SEMA3A: variants seen among roughly 807,000 people sequenced by gnomAD.
SEMA3A encodes semaphorin-3A.
Under a neutral mutation model 97.9 loss-of-function variants are expected in SEMA3A, and 29 were observed. The observed-to-expected ratio is 0.30, with a 90% CI of 0.22 to 0.40. SEMA3A has a LOEUF of 0.40. Among genes scored for constraint, SEMA3A ranks in the 10% least tolerant of loss-of-function variants. The pLI is 1.00. For synonymous variants in SEMA3A, 321 were observed against 323.7 expected (o/e 0.99, Z 0.09); for missense variants, 763 against 951.3 (o/e 0.80, Z 2.60).
At chr7:84,334,721 C>G (rs1471904259) in intron 2 of SEMA3A, among the ~76,000 whole-genome samples, 2 of 151,122 alleles carry the variant, frequency 1.3e-5, no homozygotes, top group Non-Finnish European at 2.9e-5. Context: ...CACTTGCCCC[C>G]CTGCTTCTTC....
intron 6 of SEMA3A, among the ~76,000 whole-genome samples, chr7:84,031,708 T>C (rs1791764250): frequency 6.6e-6 from 1 of 151,846 alleles, no homozygotes; most frequent in South Asian, 2.1e-4. Context: ...TGGTGGTGCA[T>C]GCCTGTAATC....
At chr7:84,349,948 C>T (rs970630995) in intron 2 of SEMA3A, among the ~76,000 whole-genome samples, 2 of 152,008 alleles carry the variant, frequency 1.3e-5, no homozygotes, top group African/African-American at 4.8e-5. Context: ...AATCTATCTG[C>T]CTTCTTGATG....
intron 4 of SEMA3A, among the ~76,000 whole-genome samples, chr7:84,064,802 C>G (rs1793410134): frequency 6.6e-6 from 1 of 151,132 alleles, no homozygotes; most frequent in African/African-American, 2.4e-5. Context: ...GAGACTTAGA[C>G]TCCCACACAT....
At chr7:84,208,463 G>A (rs536456611) in intron 3 of SEMA3A, among the ~76,000 whole-genome samples, 14 of 151,998 alleles carry the variant, frequency 9.2e-5, no homozygotes, top group East Asian at 1.9e-4. Context: ...AAAAAAGAAC[G>A]GAAAGACAAA....
intron 1 of SEMA3A, among the ~76,000 whole-genome samples, chr7:84,143,950 A>AACACACACACACACAC (rs796470836): frequency 6.0e-4 from 57 of 94,682 alleles, no homozygotes; most frequent in African/African-American, 2.0e-3. Flanking sequence ...CTCTCTCTCT[A>AACACACACACACACAC]ACACACACAC....
At chr7:84,082,485 A>G (rs1167462734) in intron 4 of SEMA3A, among the ~76,000 whole-genome samples, 2 of 152,184 alleles carry the variant, frequency 1.3e-5, no homozygotes, top group African/African-American at 4.8e-5. Flanking sequence ...TATTATAATC[A>G]TAACTCCAGA....
At chr7:84,475,407 C>A (rs2116419989) in intron 1 of SEMA3A, among the ~76,000 whole-genome samples, 1 of 152,174 alleles carries the variant, frequency 6.6e-6, no homozygotes, top group South Asian at 2.1e-4. Flanking sequence ...TTAAAAAATT[C>A]ATAGGAAACA....
intron 4 of SEMA3A, among the ~76,000 whole-genome samples, chr7:84,108,075 G>C (rs1262109859): frequency 6.6e-6 from 1 of 152,066 alleles, no homozygotes; most frequent in Non-Finnish European, 1.5e-5. Flanking sequence ...GTATAGACTT[G>C]CATTTTAAAA....
chr7:84,424,735 A>G (rs1397035228), intron 1 of SEMA3A, among the ~76,000 whole-genome samples: 1 of 100,748 alleles, frequency 9.9e-6, no homozygotes, highest in East Asian at 3.3e-4. Flanking sequence ...TATATATTAT[A>G]TATTTAGATA....
intron 1 of SEMA3A, among the ~76,000 whole-genome samples, chr7:84,179,234 C>T (rs2116229930): frequency 6.6e-6 from 1 of 152,206 alleles, no homozygotes; most frequent in East Asian, 1.9e-4. Flanking sequence ...ATTAGAAGAA[C>T]GATCAAAGAT....
intron 15 of SEMA3A, among the ~76,000 whole-genome samples, chr7:83,968,605 T>C (rs1049342512): frequency 6.6e-6 from 1 of 152,252 alleles, no homozygotes; most frequent in East Asian, 1.9e-4. Context: ...TGGTAAATAT[T>C]CTTGCCGCAT....
chr7:83,979,070 T>C (rs925695622), intron 14 of SEMA3A, among the ~76,000 whole-genome samples: 1 of 152,020 alleles, frequency 6.6e-6, no homozygotes, highest in African/African-American at 2.4e-5. Context: ...CTAAATTAGG[T>C]AATATTATAA....
intron 1 of SEMA3A, among the ~76,000 whole-genome samples, chr7:84,166,704 C>G (rs1349016555): frequency 6.6e-6 from 1 of 151,412 alleles, no homozygotes; most frequent in African/African-American, 2.4e-5. Flanking sequence ...AACCCCGTCT[C>G]TACTAAAAAT....
intron 5 of SEMA3A, among the ~76,000 whole-genome samples, chr7:84,057,628 G>A (rs996385019): frequency 6.6e-6 from 1 of 151,994 alleles, no homozygotes; most frequent in Non-Finnish European, 1.5e-5. Context: ...AGCCAGGCCT[G>A]GTGGCACATG....
upstream of SEMA3A, among the ~76,000 whole-genome samples, chr7:84,195,914 G>A (rs991699676): frequency 1.3e-5 from 2 of 152,180 alleles, no homozygotes; most frequent in Non-Finnish European, 2.9e-5. Flanking sequence ...GTATAGGCAT[G>A]TATTCAGGCA....
chr7:84,273,830 G>A lies in SEMA3A; in HGVS notation c.-83+33377C>T, dbSNP rs77192171. Among the ~76,000 whole-genome samples, 10 of 151,706 alleles carry A rather than the reference G, an allele frequency of 6.6e-5. No individual in the cohort carries two copies. The East Asian group carries it at 1.2e-3, about 18-fold the overall frequency. On this transcript the variant is annotated intron_variant, in intron 3 of 3. Coordinates refer to the SEMA3A transcript ENST00000424555. ...AGTCATGTATAACAAACAATCCTAC[G>A]TTTCTTTTATTTCCATATTACAGGG...
chr7:84,468,601 A>C (rs1806064564), intron 1 of SEMA3A, among the ~76,000 whole-genome samples: 1 of 152,192 alleles, frequency 6.6e-6, no homozygotes, highest in Non-Finnish European at 1.5e-5. Flanking sequence ...AACTTTTACC[A>C]CGAGTCCTCT....
At chr7:84,305,458 T>C (rs1801131012) in intron 3 of SEMA3A, among the ~76,000 whole-genome samples, 1 of 151,692 alleles carries the variant, frequency 6.6e-6, no homozygotes, top group Non-Finnish European at 1.5e-5. Context: ...TTGCTAAATA[T>C]TTTGAGTTTT....
At chr7:84,202,919 A>G (rs1798391058) in intron 3 of SEMA3A, among the ~76,000 whole-genome samples, 1 of 152,112 alleles carries the variant, frequency 6.6e-6, no homozygotes, top group Non-Finnish European at 1.5e-5. Flanking sequence ...TTAATTTTTT[A>G]ATACATCTAT....
Sources: allele counts gnomAD v4.1 joint callset (sites outside exome capture counted in the v4.1 genomes callset), GRCh38; gene constraint gnomAD v4.1.1; transcripts MANE v1.5; gene names NCBI Gene and HGNC (gene_info 2026-07-23, HGNC 2026-07-21).